The following RP1 variants were observed in gnomAD, a reference collection of about 807,000 sequenced individuals.
The protein encoded by RP1 is oxygen-regulated protein 1.
Under a neutral mutation model 14.8 loss-of-function variants are expected in RP1, and 16 were observed. That is an observed-to-expected ratio of 1.08 (90% CI 0.73 to 1.65). The LOEUF (loss-of-function observed/expected upper bound fraction) is 1.65, where lower values mean the gene tolerates loss of function less well. Among genes scored for constraint, RP1 ranks in the 40% most tolerant of loss-of-function variants. The pLI, the probability that RP1 is intolerant of heterozygous loss-of-function variation, is 0.00. For synonymous variants in RP1, 876 were observed against 883.6 expected, an observed-to-expected ratio of 0.99 and a Z score of 0.15; for missense variants, 2,631 against 2,535.0, an observed-to-expected ratio of 1.04 and a Z score of -0.81.
chr8:54,671,852 C>A (rs571271629), intron 7 of RP1, among the ~76,000 whole-genome samples: 5 of 152,164 alleles, frequency 3.3e-5, no homozygotes, highest in African/African-American at 1.2e-4. Flanking sequence ...TGGAACCATT[C>A]ATTTCTTTGA....
At chr8:54,840,074 C>T (rs1214648744) in intron 25 of RP1, among the ~76,000 whole-genome samples, 1 of 152,058 alleles carries the variant, frequency 6.6e-6, no homozygotes, top group Non-Finnish European at 1.5e-5. Flanking sequence ...TTCTACCCTG[C>T]ATGTCTCAGG....
intron 3 of RP1, among the ~76,000 whole-genome samples, chr8:54,646,699 ATAT>A: frequency 6.6e-6 from 1 of 152,174 alleles, no homozygotes; most frequent in African/African-American, 2.4e-5. Context: ...AACGGACATC[ATAT>A]TTCATTATTT....
At chr8:54,696,818 G>A (rs886562633) in intron 12 of RP1, 29 of 736,238 alleles carry the variant, frequency 3.9e-5, no homozygotes, top group South Asian at 1.4e-4. Context: ...TGTGACCTGC[G>A]GATTTCCAAA....
At chr8:54,785,216 T>C (rs190853985) in intron 24 of RP1, among the ~76,000 whole-genome samples, 1 of 152,240 alleles carries the variant, frequency 6.6e-6, no homozygotes. Context: ...ACTTTCTGTC[T>C]CTACACATTT....
At chr8:54,633,737 C>CTCTCTATATATATATA (rs1236298691), downstream of RP1, among the ~76,000 whole-genome samples, 18 of 118,804 alleles carry the variant, frequency 1.5e-4, no homozygotes, top group African/African-American at 5.5e-4. Flanking sequence ...CTCTCTCTCT[C>CTCTCTATATATATATA]TATATATATA....
chr8:54,559,561 A>G (rs1345115516), intron 1 of RP1, among the ~76,000 whole-genome samples: 2 of 152,128 alleles, frequency 1.3e-5, no homozygotes, highest in African/African-American at 4.8e-5. Flanking sequence ...TTTTCCTGTG[A>G]GGCATTTTTG....
intron 22 of RP1, among the ~76,000 whole-genome samples, chr8:54,767,623 G>A (rs1809792405): frequency 6.6e-6 from 1 of 152,124 alleles, no homozygotes; most frequent in Admixed American, 6.5e-5. Flanking sequence ...GCCTCCCAAA[G>A]TGCTGGGATT....
intron 15 of RP1, among the ~76,000 whole-genome samples, chr8:54,715,774 C>T (rs1808389790): frequency 1.3e-5 from 2 of 152,182 alleles, no homozygotes; most frequent in Admixed American, 6.5e-5. Context: ...TTAGAGTTAA[C>T]AGATACTGAG....
chr8:54,581,120 G>A (rs1399870006), intron 1 of RP1, among the ~76,000 whole-genome samples: 2 of 151,610 alleles, frequency 1.3e-5, no homozygotes, highest in South Asian at 2.1e-4. Flanking sequence ...TCTTCATTTA[G>A]CATTAGGTAT....
chr8:54,602,568 G>A (rs62514588), intron 1 of RP1, among the ~76,000 whole-genome samples: 36,248 of 151,806 alleles, frequency 0.24, 4,597 homozygotes, highest in Non-Finnish European at 0.26. Context: ...GGGATGGCTG[G>A]GTCAAATGGT....
intron 22 of RP1, among the ~76,000 whole-genome samples, chr8:54,763,880 C>T (rs561671818): frequency 1.4e-4 from 22 of 152,218 alleles, no homozygotes; most frequent in Admixed American, 1.1e-3. Context: ...AAAGTGTTCC[C>T]GTCTCATTTC....
At chr8:54,703,873 C>A (rs1257822381) in intron 14 of RP1, among the ~76,000 whole-genome samples, 1 of 152,128 alleles carries the variant, frequency 6.6e-6, no homozygotes, top group Non-Finnish European at 1.5e-5. Flanking sequence ...CTTCATCAAC[C>A]AACCTCTGCT....
At chr8:54,720,011 T>C in intron 15 of RP1, 2 of 848,648 alleles carry the variant, frequency 2.4e-6, no homozygotes, top group Non-Finnish European at 3.5e-6. Flanking sequence ...AAAAAGGCTC[T>C]AGATTTATCA....
rs539135055 is a variant in RP1 at position 54,850,109 on chromosome 8, G to A, written c.3836-2465G>A. Among the ~76,000 whole-genome samples, 4 of 152,274 alleles carry A rather than the reference G, an allele frequency of 2.6e-5. No individual in the cohort carries two copies. In the East Asian group the frequency reaches 5.8e-4, roughly 22 times the overall value. On this transcript the variant is annotated intron_variant, in intron 25 of 28. Transcript: ENST00000637698. ...AAAAAGAAATTTTAAAAATTTGGCA[G>A]AAATGTCCAACATAGATGGATAACC...
chr8:54,832,507 C>G (rs1342878244), intron 24 of RP1, among the ~76,000 whole-genome samples: 12 of 151,850 alleles, frequency 7.9e-5, no homozygotes, highest in African/African-American at 2.7e-4. Flanking sequence ...ATGCTTATCT[C>G]TTTACTCATT....
At chr8:54,656,133 A>T (rs773053595) in exon 6 of RP1, 1 of 1,535,622 alleles carries the variant, frequency 6.5e-7, no homozygotes. Flanking sequence ...TACCTGTTCA[A>T]CGATGGTTGG....
intron 24 of RP1, among the ~76,000 whole-genome samples, chr8:54,836,676 A>G (rs1811664403): frequency 6.6e-6 from 1 of 152,196 alleles, no homozygotes; most frequent in African/African-American, 2.4e-5. Flanking sequence ...AGAGGAGTCC[A>G]GCCCACCCAG....
At chr8:54,600,299 G>A (rs1279367170) in intron 1 of RP1, among the ~76,000 whole-genome samples, 7 of 152,164 alleles carry the variant, frequency 4.6e-5, no homozygotes, top group Non-Finnish European at 8.8e-5. Flanking sequence ...ATGATTGTGA[G>A]GCCTGCCCAG....
chr8:54,862,610 G>T (rs575890368), intron 27 of RP1, among the ~76,000 whole-genome samples: 42 of 152,228 alleles, frequency 2.8e-4, no homozygotes, highest in African/African-American at 9.4e-4. Context: ...GCCATTCCCA[G>T]CCAGCCATCA....
Sources: allele counts gnomAD v4.1 joint callset (sites outside exome capture counted in the v4.1 genomes callset), GRCh38; gene constraint gnomAD v4.1.1; transcripts MANE v1.5; gene names NCBI Gene and HGNC (gene_info 2026-07-23, HGNC 2026-07-21).